The following TCTN1 variants were observed in gnomAD, a reference collection of about 807,000 sequenced individuals.
The protein encoded by TCTN1 is tectonic family member 1.
Under a neutral mutation model 65.8 loss-of-function variants are expected in TCTN1, and 58 were observed. The ratio of observed to expected loss-of-function variants is 0.88; its 90% CI spans 0.71 to 1.10. The LOEUF is 1.10. Among genes scored for constraint, TCTN1 ranks in the 50% least tolerant of loss-of-function variants. TCTN1 has a pLI of 0.00. For missense variants in TCTN1, 645 were observed against 719.4 expected, an observed-to-expected ratio of 0.90 and a Z score of 1.18; for synonymous variants, 273 against 289.1, an observed-to-expected ratio of 0.94 and a Z score of 0.57.
intron 12 of TCTN1, chr12:110,646,114 G>T (rs1293422576): frequency 6.6e-6 from 1 of 152,252 alleles, no homozygotes; most frequent in Non-Finnish European, 1.5e-5. Context: ...CACCGTCAGG[G>T]TCTGTGCTGA....
Position 110,647,913 on chromosome 12 carries a change from C to T in TCTN1, c.*1+20C>T, listed in dbSNP as rs2067473000. 6.2e-7 allele frequency: 1 copy of T among 1,612,252 alleles called. No individual in the cohort carries two copies. Among genetic ancestry groups the T allele is most frequent in the African/African-American group, 1.3e-5 (1 of 74,882 alleles). On this transcript the variant is annotated intron_variant, in intron 14 of 14. Transcript: ENST00000397659. ...TTTGACGTAAGTGAGGAAACTACGC[C>T]CCTCCTCTGAGGTCATCCCCTTTGG...
rs757074241 is a variant in TCTN1 at position 110,645,052 on chromosome 12, C to G, written c.1417C>G (p.Pro473Ala). 5 of 1,614,048 alleles carry G rather than the reference C, an allele frequency of 3.1e-6. No individual in the cohort carries two copies. The highest frequency in any genetic ancestry group is 4.2e-6 in the Non-Finnish European group (5 of 1,180,032). ...WGQGFPDYVA[P>A]FGNSQAQDML... The stretch of plus-strand genomic sequence containing the variant: ...CCAGGGCTTCCCAGATTACGTGGCC[C>G]CTTTTGGAAATTCCCAGGCCCAGGA... Residue 473 changes from proline (P) to alanine (A), a missense_variant, in exon 12 of 15, where the codon CCT becomes GCT. By Grantham distance (27) the Pro-to-Ala change is conservative. Transcript: ENST00000397659.
intron 7 of TCTN1, among the ~76,000 whole-genome samples, chr12:110,638,279 T>C (rs2066715934): frequency 6.6e-6 from 1 of 152,188 alleles, no homozygotes; most frequent in South Asian, 2.1e-4. Context: ...CGTGGCAGAC[T>C]GGGACTTCCA....
At chr12:110,645,252 A>T in intron 12 of TCTN1, 123 bp downstream of exon 12, 1 of 1,282,678 alleles carries the variant, frequency 7.8e-7, no homozygotes, top group Admixed American at 2.0e-5. Flanking sequence ...GCGCGGGCTG[A>T]ATCTTGGATA....
chr12:110,641,241 A>G lies in TCTN1; in HGVS notation c.1104+92A>G, dbSNP rs1388876374. 3 of 1,553,350 alleles carry G rather than the reference A, an allele frequency of 1.9e-6. No homozygotes were observed. The East Asian group carries it at 6.9e-5, about 36-fold the overall frequency. ...GGATAAAACTGAATTTCTAAGTATT[A>G]CATCCAAGCCTTTGTAGTGAACAGA... On this transcript the variant is annotated intron_variant, in intron 9 of 14. Transcript: ENST00000397659.
rs767437498 is a variant in TCTN1, at chr12:110,626,416, A to C, written c.396A>C (p.Thr132=). The change falls in exon 3 of 15, where the codon ACA becomes ACC. Residue 132 remains threonine (T), a synonymous_variant. Coordinates refer to ENST00000397659, the MANE Select transcript of TCTN1 (RefSeq NM_001082538.3). The part of the protein sequence containing the change: ...QKAVIYSLNF[T]ANPPQRVFEL... ...CAGTCATCTATTCATTGAATTTTAC[A>C]GCAAACCCACCTCAAAGAGTATTTG... 2.2e-5 allele frequency: 35 copies of C among 1,608,556 alleles called. No individual in the cohort carries two copies. Among genetic ancestry groups the C allele is most frequent in the Non-Finnish European group, 3.0e-5 (35 of 1,176,558 alleles).
chr12:110,621,231 A>G (rs1482132408), intron 2 of TCTN1, among the ~76,000 whole-genome samples: 4 of 152,208 alleles, frequency 2.6e-5, no homozygotes, highest in African/African-American at 9.6e-5. Flanking sequence ...TTGATACTTG[A>G]TAGGTGAACC....
rs536069958 is a variant in TCTN1 at position 110,638,947 on chromosome 12, G to A, written c.844-1436G>A. On this transcript the variant is annotated intron_variant, in intron 7 of 14. Coordinates refer to ENST00000397659, the MANE Select transcript of TCTN1 (RefSeq NM_001082538.3). Reference sequence around the variant, plus strand: ...TATGCAGAGGGCCTCACAGTGACTAGCATTGCCCTTCTGCCATTCTCGTCA... The same window carrying A: ...TATGCAGAGGGCCTCACAGTGACTAACATTGCCCTTCTGCCATTCTCGTCA... 2.0e-5 allele frequency among the ~76,000 whole-genome samples: 3 copies of A among 152,300 alleles called. No individual in the cohort carries two copies. The East Asian group carries it at 5.8e-4, about 29-fold the overall frequency.
chr12:110,648,041 G>A, intron 14 of TCTN1, 148 bp downstream of exon 14: 1 of 1,239,318 alleles, frequency 8.1e-7, no homozygotes, highest in Non-Finnish European at 1.1e-6. Flanking sequence ...GTGTGATCAT[G>A]GCTCACTGCA....
intron 14 of TCTN1, 160 bp from the exon 15 acceptor site, chr12:110,648,883 A>C (rs1208364408): frequency 5.1e-6 from 2 of 388,768 alleles, no homozygotes; most frequent in African/African-American, 2.1e-5. Context: ...AAAACAATGG[A>C]GCCACCTAGA....
chr12:110,635,916 T>A (rs2066538940), intron 6 of TCTN1: 1 of 155,962 alleles, frequency 6.4e-6, no homozygotes, highest in Non-Finnish European at 1.4e-5. Flanking sequence ...GGCATCCAGG[T>A]ACAGTTCTCT....
At chr12:110,648,856 A>G in intron 14 of TCTN1, 187 bp from the exon 15 acceptor site, 1 of 373,184 alleles carries the variant, frequency 2.7e-6, no homozygotes. Context: ...TTGAGGAAAA[A>G]TGTTGTCAGG....
intron 2 of TCTN1, 32 bp from the exon 3 acceptor site, chr12:110,626,330 T>A: frequency 6.5e-7 from 1 of 1,545,934 alleles, no homozygotes. Context: ...TTATGTCTTG[T>A]AACTTTGTAT....
chr12:110,622,039 G>A (rs2065465677), intron 2 of TCTN1, among the ~76,000 whole-genome samples: 1 of 152,144 alleles, frequency 6.6e-6, no homozygotes, highest in East Asian at 2.0e-4. Flanking sequence ...TCAGGGGGCT[G>A]AGGTGGGAGA....
At position 110,649,421 on chromosome 12, in the gene TCTN1, C is replaced by T. The variant is rs775765211; in HGVS notation, c.*380C>T. 6 of 1,608,992 alleles carry T rather than the reference C, an allele frequency of 3.7e-6. No individual in the cohort carries two copies. In the South Asian group the frequency reaches 6.7e-5, roughly 18 times the overall value. ...GAGCTGGTCCGGGTCTAGTTCACTT[C>T]ACCAAGAAGTCCATGCTGTCGCAAT... On this transcript the variant is annotated 3_prime_UTR_variant, in exon 15 of 15. Transcript: ENST00000397659.
At chr12:110,628,104 T>A in intron 3 of TCTN1, 2 of 1,536,094 alleles carry the variant, frequency 1.3e-6, no homozygotes, top group Non-Finnish European at 1.7e-6. Flanking sequence ...GAAGTCGGAT[T>A]CTTTCATTCC....
At chr12:110,625,552 C>T (rs557657566) in intron 2 of TCTN1, 2 of 152,076 alleles carry the variant, frequency 1.3e-5, no homozygotes, top group South Asian at 4.2e-4. Context: ...TGAGACCAGC[C>T]TGGCCAACAT....
At chr12:110,634,920 G>T in intron 6 of TCTN1, 141 bp downstream of exon 6, 2 of 620,750 alleles carry the variant, frequency 3.2e-6, no homozygotes, top group Non-Finnish European at 5.7e-6. Flanking sequence ...TTATATCAGT[G>T]ATTATTGAAA....
intron 5 of TCTN1, among the ~76,000 whole-genome samples, chr12:110,633,970 A>G (rs993474009): frequency 3.9e-5 from 6 of 152,220 alleles, no homozygotes; most frequent in Admixed American, 3.9e-4. Context: ...AAAGATGGAG[A>G]CAACTTAAGT....
Sources: allele counts gnomAD v4.1 joint callset (sites outside exome capture counted in the v4.1 genomes callset), GRCh38; gene constraint gnomAD v4.1.1; transcripts MANE v1.5; gene names NCBI Gene and HGNC (gene_info 2026-07-23, HGNC 2026-07-21).